Variants in PUDP observed in about 807,000 individuals in gnomAD.
PUDP encodes the protein pseudouridine-5'-phosphatase.
PUDP carries 8 observed loss-of-function variants against 9.4 expected under a neutral mutation model. That is an observed-to-expected ratio of 0.85 (90% CI 0.50 to 1.53). PUDP has a LOEUF of 1.53. Among genes scored for constraint, PUDP ranks in the 40% most tolerant of loss-of-function variants. PUDP has a pLI of 0.00. For missense variants in PUDP, 188 were observed against 189.7 expected, an observed-to-expected ratio of 0.99 and a Z score of 0.05; for synonymous variants, 99 against 80.7, an observed-to-expected ratio of 1.23 and a Z score of -1.22.
intron 1 of PUDP, among the ~76,000 whole-genome samples, chrX:6,985,104 G>A (rs1463446148): frequency 8.9e-6 from 1 of 111,935 alleles, no homozygotes; most frequent in African/African-American, 3.2e-5. Context: ...CAATGAATGA[G>A]ATGCAGATGA....
intron 3 of PUDP, among the ~76,000 whole-genome samples, chrX:7,054,728 G>A (rs1164532608): frequency 8.9e-6 from 1 of 112,175 alleles, no homozygotes; most frequent in Non-Finnish European, 1.9e-5. Flanking sequence ...TGGCCGCTTT[G>A]CTAACAGCTG....
At chrX:6,971,176 A>G (rs1161367552) in intron 3 of PUDP, among the ~76,000 whole-genome samples, 1 of 111,675 alleles carries the variant, frequency 9.0e-6, no homozygotes, top group African/African-American at 3.2e-5. Flanking sequence ...GCGCCACCTG[A>G]CAGATCCATT....
At chrX:6,751,064 C>T (rs1024652640) in intron 3 of PUDP, among the ~76,000 whole-genome samples, 3 of 109,438 alleles carry the variant, frequency 2.7e-5, no homozygotes, top group African/African-American at 1.0e-4. Context: ...ATGGTGTGAA[C>T]CGGGGAGGCG....
chrX:7,143,506 AT>A (rs1932817541), intron 1 of PUDP, among the ~76,000 whole-genome samples: 1 of 112,210 alleles, frequency 8.9e-6, no homozygotes, highest in Non-Finnish European at 1.9e-5. Context: ...TATCTGCAGA[AT>A]TTTGCAATTT....
intron 3 of PUDP, among the ~76,000 whole-genome samples, chrX:6,925,969 T>C (rs912741740): frequency 6.3e-5 from 7 of 111,755 alleles, no homozygotes; most frequent in African/African-American, 2.3e-4. Context: ...ACAAAGAGTC[T>C]GTTTTGTCAG....
intron 2 of PUDP, among the ~76,000 whole-genome samples, chrX:7,102,527 A>G (rs1931769175): frequency 9.0e-6 from 1 of 110,826 alleles, no homozygotes; most frequent in South Asian, 3.8e-4. Flanking sequence ...GGAACACAAC[A>G]AGGATACACA....
intron 3 of PUDP, among the ~76,000 whole-genome samples, chrX:6,881,812 C>T (rs1386126843): frequency 9.0e-6 from 1 of 110,689 alleles, no homozygotes; most frequent in Non-Finnish European, 1.9e-5. Context: ...CAACGCATCA[C>T]CTAACCCTTG....
At chrX:6,838,839 G>C (rs1926623464) in intron 3 of PUDP, among the ~76,000 whole-genome samples, 1 of 111,980 alleles carries the variant, frequency 8.9e-6, no homozygotes. Context: ...TTTGCTAGTA[G>C]AATAAAGACA....
intron 3 of PUDP, among the ~76,000 whole-genome samples, chrX:6,765,887 C>T (rs1053769065): frequency 2.7e-5 from 3 of 111,727 alleles, no homozygotes; most frequent in Non-Finnish European, 5.6e-5. Flanking sequence ...ATTCAAAAAA[C>T]TGAGTGAAGG....
intron 1 of PUDP, among the ~76,000 whole-genome samples, chrX:6,991,153 C>T (rs1418587711): frequency 4.5e-5 from 5 of 112,080 alleles, no homozygotes; most frequent in Non-Finnish European, 9.4e-5. Flanking sequence ...TCTTCTCTAT[C>T]TGCCCCACAC....
intron 3 of PUDP, among the ~76,000 whole-genome samples, chrX:6,793,200 C>T (rs188326042): frequency 5.3e-5 from 6 of 112,262 alleles, no homozygotes; most frequent in African/African-American, 1.3e-4. Context: ...AAATTAATTG[C>T]GGTTTCTGTC....
intron 3 of PUDP, among the ~76,000 whole-genome samples, chrX:6,854,755 T>TC (rs1926880176): frequency 9.1e-6 from 1 of 110,134 alleles, no homozygotes; most frequent in Non-Finnish European, 1.9e-5. Flanking sequence ...AAGGTCTTCA[T>TC]CCTCCTTGTT....
chrX:7,122,912 G>T (rs1380762663), intron 1 of PUDP, among the ~76,000 whole-genome samples: 1 of 112,120 alleles, frequency 8.9e-6, no homozygotes. Flanking sequence ...ACCAAAAATT[G>T]TTATAAAGTT....
At chrX:6,998,192 T>C (rs1929276053) in intron 1 of PUDP, among the ~76,000 whole-genome samples, 1 of 111,033 alleles carries the variant, frequency 9.0e-6, no homozygotes, top group Admixed American at 9.6e-5. Flanking sequence ...AGCTAATGAT[T>C]TGGATGAGTA....
chrX:7,101,563 A>AT (rs1177179046), intron 2 of PUDP, among the ~76,000 whole-genome samples: 2 of 112,277 alleles, frequency 1.8e-5, no homozygotes, highest in South Asian at 3.7e-4. Flanking sequence ...TAGATAAAAC[A>AT]TTTTTTTCTT....
intron 3 of PUDP, among the ~76,000 whole-genome samples, chrX:6,775,620 G>A (rs990634937): frequency 4.6e-4 from 51 of 111,072 alleles, no homozygotes; most frequent in African/African-American, 5.6e-4. Flanking sequence ...TCATACATAC[G>A]TTGAGATCTC....
Position 7,146,507 on chromosome X carries a change from A to C in PUDP, c.61+1546T>G, listed in dbSNP as rs1205377636. The stretch of plus-strand genomic sequence containing the variant: ...CCTATGTATCCCACAAGCTTTCTGA[A>C]ATTGAGTCATTTCAAATTTAGTAGC... On this transcript the variant is annotated intron_variant, in intron 1 of 3. Transcript: ENST00000381077. Among the ~76,000 whole-genome samples the C allele has an allele frequency of 2.7e-5, 3 of 111,403 alleles. No homozygotes were observed. In the Admixed American group the frequency reaches 2.9e-4, roughly 11 times the overall value.
rs982938531 is a variant in PUDP, at chrX:6,941,607, G to C, written c.*247+35526C>G. 3.6e-5 allele frequency among the ~76,000 whole-genome samples: 4 copies of C among 111,046 alleles called. No homozygotes were observed. The Admixed American group carries it at 3.8e-4, about 11-fold the overall frequency. The stretch of plus-strand genomic sequence containing the variant: ...GCCTCCCAAAGTGCTGGGATTATAG[G>C]TGTGAGCCACCATGCCTGGCCTGGT... On this transcript the variant is annotated intron_variant and NMD_transcript_variant, in intron 3 of 3. Transcript: ENST00000655425.
chrX:6,797,585 TG>T (rs1405274646), intron 3 of PUDP, among the ~76,000 whole-genome samples: 7 of 110,778 alleles, frequency 6.3e-5, no homozygotes, highest in African/African-American at 2.3e-4. Flanking sequence ...CAATAGACAG[TG>T]AAAAACTGAG....
Sources: gnomAD v4.1 joint callset for allele counts (sites outside exome capture counted in the v4.1 genomes callset) on GRCh38, gnomAD v4.1.1 for gene constraint, MANE v1.5 for transcripts, NCBI Gene and HGNC (gene_info 2026-07-23, HGNC 2026-07-21) for gene names.